The following CAGE1 variants were observed in gnomAD, a reference collection of about 807,000 sequenced individuals.
The protein encoded by CAGE1 is cancer-associated gene 1 protein.
In CAGE1, 66 loss-of-function variants were observed where a neutral mutation model predicts 94.9. That is an observed-to-expected ratio of 0.70 (90% confidence interval 0.57 to 0.85). CAGE1 has a LOEUF of 0.85. Ranked by LOEUF, CAGE1 falls within the 40% of genes least tolerant of loss-of-function variation. CAGE1 has a pLI of 0.00. For synonymous variants in CAGE1, 319 were observed against 321.0 expected, an observed-to-expected ratio of 0.99 and a Z score of 0.07; for missense variants, 865 against 950.4, an observed-to-expected ratio of 0.91 and a Z score of 1.18.
At chr6:7,365,198 G>GA (rs1222819172) in intron 9 of CAGE1, among the ~76,000 whole-genome samples, 2 of 152,082 alleles carry the variant, frequency 1.3e-5, no homozygotes, top group Admixed American at 1.3e-4. Context: ...CATCTACTGT[G>GA]AAAAAACAGC....
chr6:7,330,013 A>C (rs1485424576), intron 12 of CAGE1, 125 bp from the exon 13 acceptor site: 1 of 586,268 alleles, frequency 1.7e-6, no homozygotes, highest in East Asian at 2.8e-5. Context: ...ATCGTCATTT[A>C]AGATAGAACT....
intron 1 of CAGE1, among the ~76,000 whole-genome samples, chr6:7,388,656 G>A (rs548702451): frequency 3.9e-4 from 59 of 152,236 alleles, no homozygotes; most frequent in Non-Finnish European, 7.9e-4. Flanking sequence ...TCATCTGCCT[G>A]GATTCTTTTA....
At chr6:7,370,950 T>C (rs1247217346) in intron 5 of CAGE1, among the ~76,000 whole-genome samples, 1 of 152,240 alleles carries the variant, frequency 6.6e-6, no homozygotes, top group Non-Finnish European at 1.5e-5. Context: ...AGAGTAAGTA[T>C]GAATTCAGTG....
At chr6:7,367,383 C>T (rs143500251) in intron 7 of CAGE1, among the ~76,000 whole-genome samples, 189 of 150,928 alleles carry the variant, frequency 1.3e-3, no homozygotes, top group African/African-American at 4.3e-3. Flanking sequence ...TCAGGTGATC[C>T]TCGCACCTCA....
intron 11 of CAGE1, 48 bp downstream of exon 11, chr6:7,354,993 G>A (rs1164028770): frequency 1.6e-6 from 2 of 1,270,998 alleles, no homozygotes; most frequent in Admixed American, 1.9e-5. Flanking sequence ...CAGAGAATAA[G>A]GTATTAGTAA....
At chr6:7,368,645 A>C in intron 7 of CAGE1, 43 bp downstream of exon 7, 2 of 1,038,986 alleles carry the variant, frequency 1.9e-6, no homozygotes, top group Non-Finnish European at 2.8e-6. Context: ...CTATTTTTTC[A>C]CTAAAAATAA....
chr6:7,366,245 CA>C (rs775283906), intron 7 of CAGE1, among the ~76,000 whole-genome samples: 991 of 71,128 alleles, frequency 0.014, 3 homozygotes, highest in Middle Eastern at 0.051. Context: ...GACTCTGTCT[CA>C]AAAAAAAAAA....
At chr6:7,340,393 T>G (rs113636507) in intron 11 of CAGE1, among the ~76,000 whole-genome samples, 42 of 152,314 alleles carry the variant, frequency 2.8e-4, no homozygotes, top group African/African-American at 9.9e-4. Flanking sequence ...GATTATTGCT[T>G]TTGCTGCGCA....
rs1761248296 is a variant in CAGE1 at position 7,389,251 on chromosome 6, C to T, written c.-73G>A. The T allele has an allele frequency of 2.2e-6, 1 of 456,216 alleles. No individual in the cohort carries two copies. The highest frequency in any genetic ancestry group is 6.9e-5 in the East Asian group (1 of 14,396). The allele number at this position is 456,216 out of a possible 1,614,324, so 28.3% of individuals were successfully genotyped here. A position where few individuals can be genotyped will look rare whatever the true frequency, so the allele number is the denominator to read the frequency against. ...TCATTTTTCACCTCAAAACGAGACA[C>T]CAAACTTTTTAAGACACAAAAGTGT... On this transcript the variant is annotated 5_prime_UTR_variant, in exon 1 of 14. It adds an upstream start codon to the 5' untranslated region. Coordinates refer to ENST00000502583, the MANE Select transcript of CAGE1 (RefSeq NM_001170692.2).
chr6:7,333,955 A>G, intron 12 of CAGE1, 67 bp downstream of exon 12: 1 of 1,025,956 alleles, frequency 9.7e-7, no homozygotes, highest in Non-Finnish European at 1.4e-6. Flanking sequence ...GGCGTGAGCC[A>G]CCGCACTTGG....
chr6:7,339,359 A>C lies in CAGE1; in HGVS notation c.2370-5269T>G. Reference sequence around the variant, plus strand: ...AGCCAAACCTCTTCTGAACTACAGCAGTCAGTTCCCGAATCCGCCGGCCCT... The same window carrying C: ...AGCCAAACCTCTTCTGAACTACAGCCGTCAGTTCCCGAATCCGCCGGCCCT... On this transcript the variant is annotated intron_variant, in intron 11 of 13. Coordinates refer to ENST00000502583, the MANE Select transcript of CAGE1 (RefSeq NM_001170692.2). The surrounding 1 kb of genome is among the most constrained non-coding windows in gnomAD (Gnocchi z 4.7). 5 of 1,609,318 alleles carry C rather than the reference A, an allele frequency of 3.1e-6. No individual in the cohort carries two copies. The highest frequency in any genetic ancestry group is 4.3e-6 in the Non-Finnish European group (5 of 1,176,262).
In CAGE1 at chr6:7,329,384, A is replaced by G. The variant is rs149555373; in HGVS notation, c.2478+465T>C. On this transcript the variant is annotated intron_variant, in intron 13 of 13. Transcript: ENST00000502583. ...CGGTAAGACTGGATAGGAGGGCTGG[A>G]GCCAGATCATAGGGGACTTTATACG... 1,310 of 341,816 alleles carry G rather than the reference A, an allele frequency of 3.8e-3. 7 individuals carry two copies. The highest frequency in any genetic ancestry group is 6.3e-3 in the Middle Eastern group (17 of 2,708). The allele number at this position is 341,816 out of a possible 1,614,324, so 21.2% of individuals were successfully genotyped here.
intron 11 of CAGE1, among the ~76,000 whole-genome samples, chr6:7,343,198 A>AAAAAAAAAAAAAAGAAAAG (rs574460085): frequency 4.4e-4 from 60 of 137,336 alleles, no homozygotes; most frequent in Admixed American, 6.2e-4. Context: ...CACAAAAAAA[A>AAAAAAAAAAAAAAGAAAAG]AAAAGAAAAG....
At chr6:7,356,840 A>G (rs1337492703) in intron 9 of CAGE1, among the ~76,000 whole-genome samples, 1 of 152,186 alleles carries the variant, frequency 6.6e-6, no homozygotes, top group Non-Finnish European at 1.5e-5. Flanking sequence ...TCTGTCGCCA[A>G]GGTTGGAGCA....
At chr6:7,329,525 T>C (rs1161930463) in intron 13 of CAGE1, among the ~76,000 whole-genome samples, 7 of 152,152 alleles carry the variant, frequency 4.6e-5, no homozygotes, top group Non-Finnish European at 8.8e-5. Flanking sequence ...GTCTACTCTA[T>C]GGAGGATGGC....
chr6:7,353,961 G>A (rs1013570123), intron 11 of CAGE1, among the ~76,000 whole-genome samples: 24 of 151,970 alleles, frequency 1.6e-4, no homozygotes, highest in Non-Finnish European at 3.1e-4. Flanking sequence ...GAAGGGGGAT[G>A]AGGGATAAAA....
intron 9 of CAGE1, among the ~76,000 whole-genome samples, chr6:7,364,125 T>C (rs986144711): frequency 6.6e-6 from 1 of 152,198 alleles, no homozygotes; most frequent in Admixed American, 6.5e-5. Context: ...GCCTGAAGCA[T>C]AGGTACTGCT....
intron 11 of CAGE1, among the ~76,000 whole-genome samples, chr6:7,345,122 TAGATCCATATTGCTTTTA>T (rs1759392539): frequency 6.6e-6 from 1 of 151,634 alleles, no homozygotes; most frequent in Non-Finnish European, 1.5e-5. Context: ...GTTTGCTCTT[TAGATCCATATTGCTTTTA>T]GGAGCTAGGT....
chr6:7,377,542 G>A (rs147632488), intron 4 of CAGE1, among the ~76,000 whole-genome samples: 2 of 152,158 alleles, frequency 1.3e-5, no homozygotes, highest in Non-Finnish European at 2.9e-5. Flanking sequence ...AGACCAGCCT[G>A]GCCAACATGG....
Sources: gnomAD v4.1 joint callset for allele counts (sites outside exome capture counted in the v4.1 genomes callset) on GRCh38, gnomAD v4.1.1 for gene constraint, Gnocchi (gnomAD v3.1) non-coding constraint, MANE v1.5 for transcripts, NCBI Gene and HGNC (gene_info 2026-07-23, HGNC 2026-07-21) for gene names.